ITGA11: variants seen among roughly 807,000 people sequenced by gnomAD.
The protein encoded by ITGA11 is integrin alpha-11.
Under a neutral mutation model 141.9 loss-of-function variants are expected in ITGA11, and 97 were observed. The ratio of observed to expected loss-of-function variants is 0.68; its 90% confidence interval spans 0.58 to 0.81. The LOEUF (loss-of-function observed/expected upper bound fraction) is 0.81. Ranked by LOEUF, ITGA11 falls within the 30% of genes least tolerant of loss-of-function variation. The pLI is 0.00. For synonymous variants in ITGA11, 658 were observed against 624.6 expected, an observed-to-expected ratio of 1.05 and a Z score of -0.80; for missense variants, 1,387 against 1,559.2, an observed-to-expected ratio of 0.89 and a Z score of 1.86.
At chr15:68,393,784 G>A (rs536117675) in intron 2 of ITGA11, among the ~76,000 whole-genome samples, 3 of 152,206 alleles carry the variant, frequency 2.0e-5, no homozygotes, top group South Asian at 2.1e-4. Context: ...TAAAAGAGAC[G>A]AAGAACACCA....
In ITGA11 at chr15:68,307,246, A is replaced by G. The variant is rs1893228708; in HGVS notation, c.3381+102T>C. ...CTGCCTGATTCTCTCCTGCTGGGAC[A>G]TGCAGCCAGGGGTTGTAGGAAAACT... is the stretch of plus-strand genomic sequence containing the variant. On this transcript the variant is annotated intron_variant, in intron 28 of 29. Coordinates refer to ENST00000315757, the MANE Select transcript of ITGA11 (RefSeq NM_001004439.2). This position sits in a 1 kb window ranked among gnomAD's most constrained non-coding sequence, Gnocchi z 6.1. 4 of 788,150 alleles carry G rather than the reference A, an allele frequency of 5.1e-6. No individual in the cohort carries two copies. The highest frequency in any genetic ancestry group is 8.2e-6 in the Non-Finnish European group (4 of 485,792). 48.8% of individuals were successfully genotyped at this position (788,150 alleles called of 1,614,324 possible).
chr15:68,332,623 T>C (rs868640755), intron 12 of ITGA11, 145 bp from the exon 13 acceptor site: 2 of 862,196 alleles, frequency 2.3e-6, no homozygotes, highest in South Asian at 3.5e-5. Context: ...TCTCACGCGC[T>C]ACCTCTCTCT....
At position 68,301,597 on chromosome 15, in the gene ITGA11, TA is replaced by T. The variant is rs931309148; in HGVS notation, c.*1461del. 2 of 152,058 alleles carry T rather than the reference TA, an allele frequency of 1.3e-5. No individual in the cohort carries two copies. The highest frequency in any genetic ancestry group is 2.4e-5 in the African/African-American group (1 of 41,386). The allele number at this position is 152,058 out of a possible 1,614,324, so 9.4% of individuals were successfully genotyped here. ...ATGAGTCCCTTCTGACATGTAGAGG[TA>T]GGGGGGAGGAAGCAAGGAACTCCCT... is the stretch of plus-strand genomic sequence containing the variant. On this transcript the variant is annotated 3_prime_UTR_variant, in exon 30 of 30. Transcript: ENST00000315757. The surrounding 1 kb of genome is among the most constrained non-coding windows in gnomAD (Gnocchi z 4.4).
At chr15:68,351,164 A>C in intron 8 of ITGA11, 94 bp downstream of exon 8, 1 of 1,367,310 alleles carries the variant, frequency 7.3e-7, no homozygotes, top group Non-Finnish European at 1.0e-6. Flanking sequence ...GACACTTGTG[A>C]TACTGCCTGG....
At position 68,320,277 on chromosome 15, in the gene ITGA11, C is replaced by T. The variant is rs1390492310; in HGVS notation, c.2524G>A (p.Ala842Thr). 1 of 1,613,778 alleles carries T rather than the reference C, an allele frequency of 6.2e-7. No individual in the cohort carries two copies. The highest frequency in any genetic ancestry group is 8.5e-7 in the Non-Finnish European group (1 of 1,179,854). Residue 842 changes from alanine (A) to threonine (T), a missense_variant, in exon 20 of 30, where the codon GCC becomes ACC. Physicochemically the swap from Ala to Thr is moderately conservative, Grantham distance 58 (BLOSUM62 0). Coordinates refer to ENST00000315757, the MANE Select transcript of ITGA11 (RefSeq NM_001004439.2). ...ESTRQRVAVE[A>T]TLENRGENAY... The stretch of plus-strand genomic sequence containing the variant: ...TTCTCGCCCCTGTTCTCCAGTGTGG[C>T]CTCCACCGCCACTCGCTGGCGTGTG...
chr15:68,390,835 G>A lies in ITGA11; in HGVS notation c.164+12083C>T, dbSNP rs980100707. ...TAGAGGTTCGGGAAGGTTGGCAGAGGTTCTCCCAAGGTTCTTCTTCCACGT... is the reference window on the plus strand; with the variant it reads ...TAGAGGTTCGGGAAGGTTGGCAGAGATTCTCCCAAGGTTCTTCTTCCACGT... On this transcript the variant is annotated intron_variant, in intron 2 of 29. Transcript: ENST00000315757. Among the ~76,000 whole-genome samples the A allele has an allele frequency of 5.3e-5, 8 of 152,350 alleles. No homozygotes were observed. In the East Asian group the frequency reaches 1.5e-3, roughly 29 times the overall value.
At position 68,315,640 on chromosome 15, in the gene ITGA11, ACGG is replaced by A; in HGVS notation, c.2792+8_2792+10del. 1 of 1,611,114 alleles carries A rather than the reference ACGG, an allele frequency of 6.2e-7. No homozygotes were observed. ...CAAGCTTTGGGGAGAAGGAGCAGGC[ACGG>A]CCCTGACCTGCCTGCAGCGAGCTCG... On this transcript the variant is annotated splice_region_variant and intron_variant, in intron 22 of 29. Coordinates refer to ENST00000315757, the MANE Select transcript of ITGA11 (RefSeq NM_001004439.2).
chr15:68,330,082 C>G (rs1477425104), intron 15 of ITGA11, among the ~76,000 whole-genome samples: 1 of 152,248 alleles, frequency 6.6e-6, no homozygotes, highest in East Asian at 1.9e-4. Flanking sequence ...CATCGGTGCT[C>G]TCTTCCGGCT....
rs1411358841 is a variant in ITGA11 at position 68,304,180 on chromosome 15, C to T, written c.3382-295G>A. Among the ~76,000 whole-genome samples, 3 of 152,236 alleles carry T rather than the reference C, an allele frequency of 2.0e-5. No homozygotes were observed. Among genetic ancestry groups the T allele is most frequent in the Non-Finnish European group, 4.4e-5 (3 of 68,044 alleles). On this transcript the variant is annotated intron_variant, in intron 28 of 29. Transcript: ENST00000315757. This position sits in a 1 kb window ranked among gnomAD's most constrained non-coding sequence, Gnocchi z 6.1. ...GATCCTCCTCCCACCACATGGGCTACTCCTTCTCCCTTTGCTGCCTCCGCA... is the reference window on the plus strand; with the variant it reads ...GATCCTCCTCCCACCACATGGGCTATTCCTTCTCCCTTTGCTGCCTCCGCA...
At chr15:68,332,618 C>T (rs777281816) in intron 12 of ITGA11, 140 bp from the exon 13 acceptor site, 42 of 895,086 alleles carry the variant, frequency 4.7e-5, no homozygotes, top group Middle Eastern at 2.8e-4. Flanking sequence ...TCCCTTCTCA[C>T]GCGCTACCTC....
In ITGA11 at chr15:68,325,483, C is replaced by T. The variant is rs2271723; in HGVS notation, c.2212-242G>A. 0.094 allele frequency among the ~76,000 whole-genome samples: 14,333 copies of T among 152,128 alleles called. 1,654 individuals are homozygous for T. Among genetic ancestry groups the T allele is most frequent in the African/African-American group, 0.28 (11,553 of 41,416 alleles). ...CAACCTAGCTGCCTGGCTGTTTTGC[C>T]AAGCTCCTGCACATCCTTCGGGGCC... On this transcript the variant is annotated intron_variant, in intron 17 of 29. Transcript: ENST00000315757. The surrounding 1 kb of genome is among the most constrained non-coding windows in gnomAD (Gnocchi z 5.5).
At chr15:68,342,364 G>T (rs761483843) in intron 10 of ITGA11, among the ~76,000 whole-genome samples, 17 of 152,196 alleles carry the variant, frequency 1.1e-4, no homozygotes, top group African/African-American at 4.1e-4. Flanking sequence ...GGCCTTGCAC[G>T]AGGGGACCTT....
chr15:68,304,933 G>A lies in ITGA11; in HGVS notation c.3382-1048C>T, dbSNP rs1893143815. 6.6e-6 allele frequency among the ~76,000 whole-genome samples: 1 copy of A among 152,228 alleles called. No individual in the cohort carries two copies. The highest frequency in any genetic ancestry group is 1.5e-5 in the Non-Finnish European group (1 of 68,038). On this transcript the variant is annotated intron_variant, in intron 28 of 29. Transcript: ENST00000315757. The surrounding 1 kb of genome is among the most constrained non-coding windows in gnomAD (Gnocchi z 6.1). ...CCTCACATCTCCTCTGGAGACTACA[G>A]CGCTGCCCGACTGCCTCCCCTCTGC...
chr15:68,374,788 T>C (rs1403296303), intron 2 of ITGA11, among the ~76,000 whole-genome samples: 3 of 152,176 alleles, frequency 2.0e-5, no homozygotes, highest in African/African-American at 7.2e-5. Context: ...AGAATGTGGG[T>C]TCAATCCCCT....
chr15:68,339,769 T>A, intron 10 of ITGA11, 125 bp from the exon 11 acceptor site: 1 of 1,048,620 alleles, frequency 9.5e-7, no homozygotes, highest in East Asian at 2.5e-5. Flanking sequence ...CTGGGTGCAT[T>A]ATTTAGCAAC....
At chr15:68,371,338 C>T (rs916737453) in intron 2 of ITGA11, among the ~76,000 whole-genome samples, 2 of 152,226 alleles carry the variant, frequency 1.3e-5, no homozygotes, top group African/African-American at 2.4e-5. Flanking sequence ...GGACACGTTC[C>T]TCCCGGGCAC....
chr15:68,311,531 G>T (rs1893384989), intron 24 of ITGA11, 128 bp from the exon 25 acceptor site: 1 of 645,426 alleles, frequency 1.5e-6, no homozygotes, highest in Non-Finnish European at 2.8e-6. Context: ...GCCCACTCAA[G>T]ACCCCTGGTG....
Position 68,321,424 on chromosome 15 carries a change from G to C in ITGA11, c.2402C>G (p.Thr801Arg), listed in dbSNP as rs145852498. The C allele has an allele frequency of 1.8e-5, 29 of 1,579,382 alleles. No individual in the cohort carries two copies. The highest frequency in any genetic ancestry group is 2.2e-5 in the Non-Finnish European group (26 of 1,161,806). The change falls in exon 19 of 30, where the codon ACG (threonine) becomes AGG (arginine). Residue 801 changes from threonine to arginine, a missense_variant. Transcript: ENST00000315757. The surrounding 1 kb of genome is among the most constrained non-coding windows in gnomAD (Gnocchi z 4.9). ...GTGGAAGGAGCCAACTCACATGGCC[G>C]TGGGCAGGTCACTCCGGGCATCCAA... Reference protein sequence around the residue: ...LVLDARSDLPTAMEYCQRVLR... With the variant: ...LVLDARSDLPRAMEYCQRVLR...
chr15:68,323,528 T>C (rs1471791380), intron 18 of ITGA11, among the ~76,000 whole-genome samples: 1 of 152,190 alleles, frequency 6.6e-6, no homozygotes, highest in Non-Finnish European at 1.5e-5. Flanking sequence ...AGAGGCAAAG[T>C]AAGACTTTGT....
Sources: allele counts gnomAD v4.1 joint callset (sites outside exome capture counted in the v4.1 genomes callset), GRCh38; gene constraint gnomAD v4.1.1; non-coding constraint Gnocchi (gnomAD v3.1); transcripts MANE v1.5; gene names NCBI Gene and HGNC (gene_info 2026-07-23, HGNC 2026-07-21).